PDHA1: variants seen among roughly 807,000 people sequenced by gnomAD.
The protein encoded by PDHA1 is pyruvate dehydrogenase E1 component subunit alpha, somatic form, mitochondrial.
PDHA1 carries 1 observed loss-of-function variant against 33.0 expected under a neutral mutation model. That is an observed-to-expected ratio of 0.03 (90% CI 0.01 to 0.14). The LOEUF (loss-of-function observed/expected upper bound fraction) is 0.14. Among genes scored for constraint, PDHA1 ranks in the 10% least tolerant of loss-of-function variants. The pLI is 1.00. For missense variants in PDHA1, 168 were observed against 325.1 expected, an observed-to-expected ratio of 0.52 and a Z score of 3.72; for synonymous variants, 123 against 119.2, an observed-to-expected ratio of 1.03 and a Z score of -0.21.
At chrX:19,344,259 G>C (rs992186062) in intron 1 of PDHA1, among the ~76,000 whole-genome samples, 165 bp downstream of exon 1, 3 of 112,865 alleles carry the variant, frequency 2.7e-5, no homozygotes, top group African/African-American at 9.6e-5. Context: ...CTGGCCTCGG[G>C]AGAAGCGGCA....
chrX:19,352,210 GTCCTCC>G (rs1248175289), intron 4 of PDHA1, among the ~76,000 whole-genome samples: 1 of 105,071 alleles, frequency 9.5e-6, no homozygotes, highest in Non-Finnish European at 1.9e-5. Flanking sequence ...ACTGTGCCCG[GTCCTCC>G]TCCTCCTCCT....
At chrX:19,354,624 C>T (rs2147179845) in intron 6 of PDHA1, 41 bp downstream of exon 6, 1 of 811,072 alleles carries the variant, frequency 1.2e-6, no homozygotes, top group East Asian at 3.1e-5. Context: ...GTCTTATTTT[C>T]AAAGTCTTTA....
At position 19,359,748 on chromosome X, in the gene PDHA1, T is replaced by G. The variant is rs748689790; in HGVS notation, c.*95T>G. On this transcript the variant is annotated 3_prime_UTR_variant, in exon 11 of 11. Transcript: ENST00000422285. ...AGAAAACCCAGTCAATGAAATTCAA[T>G]GAAATTCTTGGAAACTTCCATTAAG... 2.4e-6 allele frequency: 2 copies of G among 848,778 alleles called. No individual in the cohort carries two copies. The highest frequency in any genetic ancestry group is 1.7e-6 in the Non-Finnish European group (1 of 575,775). The allele number at this position is 848,778 out of a possible 1,213,427, so 69.9% of individuals were successfully genotyped here. A position where few individuals can be genotyped will look rare whatever the true frequency, so the allele number is the denominator to read the frequency against.
At chrX:19,345,398 C>T (rs2063124132) in intron 1 of PDHA1, among the ~76,000 whole-genome samples, 1 of 108,130 alleles carries the variant, frequency 9.2e-6, no homozygotes, top group African/African-American at 3.4e-5. Context: ...TGGTGAAACC[C>T]CGTCTCTACT....
At chrX:19,355,273 C>A in intron 6 of PDHA1, 76 bp from the exon 7 acceptor site, 2 of 1,091,294 alleles carry the variant, frequency 1.8e-6, no homozygotes, top group Non-Finnish European at 1.3e-6. Context: ...CTGTGCCAGG[C>A]AGAGCAGCAG....
Position 19,343,955 on chromosome X carries a change from G to A in PDHA1, c.-83G>A, listed in dbSNP as rs950024669. ...GCGACTGAGGCGTGGCGTCTGCTGG[G>A]GCACCTGAAGGAGACTTGGGGGCAC... On this transcript the variant is annotated 5_prime_UTR_variant, in exon 1 of 11. Coordinates refer to ENST00000422285, the MANE Select transcript of PDHA1 (RefSeq NM_000284.4). The A allele has an allele frequency of 4.5e-6, 4 of 881,312 alleles. No homozygotes were observed. In the Admixed American group the frequency reaches 7.0e-5, roughly 15 times the overall value. 72.6% of individuals were successfully genotyped at this position (881,312 alleles called of 1,213,427 possible). A position where few individuals can be genotyped will look rare whatever the true frequency, so the allele number is the denominator to read the frequency against.
chrX:19,356,409 A>C (rs141774177), intron 8 of PDHA1, among the ~76,000 whole-genome samples: 1,886 of 111,892 alleles, frequency 0.017, 34 homozygotes, highest in African/African-American at 0.057. Context: ...CAGTGATGTG[A>C]ATCAGATGTG....
Position 19,360,603 on chromosome X carries a change from G to A in PDHA1, c.*950G>A, listed in dbSNP as rs1336831895. ...CAGGTTTCAAAAGAAACTCAGGACA[G>A]TATTTAAAACAAGTTCTTAAACTAT... On this transcript the variant is annotated 3_prime_UTR_variant, in exon 11 of 11. Transcript: ENST00000422285. The A allele has an allele frequency of 1.1e-5, 5 of 458,732 alleles. No individual in the cohort carries two copies. Among genetic ancestry groups the A allele is most frequent in the Non-Finnish European group, 1.5e-5 (4 of 267,211 alleles). The allele number at this position is 458,732 out of a possible 1,213,427, so 37.8% of individuals were successfully genotyped here.
At chrX:19,345,430 C>T (rs1229853893) in intron 1 of PDHA1, among the ~76,000 whole-genome samples, 1 of 108,688 alleles carries the variant, frequency 9.2e-6, no homozygotes, top group Non-Finnish European at 1.9e-5. Context: ...ATTAGCCGGT[C>T]GTGGTGGCGG....
At chrX:19,353,563 G>A (rs747864960) in intron 5 of PDHA1, among the ~76,000 whole-genome samples, 2 of 111,495 alleles carry the variant, frequency 1.8e-5, no homozygotes, top group Admixed American at 1.9e-4. Flanking sequence ...TGACAAAATC[G>A]CCTAGTGATG....
intron 10 of PDHA1, 124 bp downstream of exon 10, chrX:19,359,148 C>T (rs2147187845): frequency 1.9e-6 from 1 of 517,354 alleles, no homozygotes; most frequent in Non-Finnish European, 3.5e-6. Context: ...TAAATAGTTC[C>T]ATAGTTCCAA....
chrX:19,354,925 C>T (rs1385954043), intron 6 of PDHA1, among the ~76,000 whole-genome samples: 1 of 112,534 alleles, frequency 8.9e-6, no homozygotes, highest in African/African-American at 3.2e-5. Flanking sequence ...CGGATAATAG[C>T]GTCTGAGTCC....
rs1054922662 is a variant in PDHA1, at chrX:19,360,523, T to C, written c.*870T>C. ...GTGAATTTCCTAATATTCCGGGAGG[T>C]CAAAACCAAGGCTCACTGTTTTCAC... is the stretch of plus-strand genomic sequence containing the variant. On this transcript the variant is annotated 3_prime_UTR_variant, in exon 11 of 11. Transcript: ENST00000422285. 3 of 314,748 alleles carry C rather than the reference T, an allele frequency of 9.5e-6. No individual in the cohort carries two copies. The highest frequency in any genetic ancestry group is 8.3e-5 in the African/African-American group (3 of 36,104). The allele number at this position is 314,748 out of a possible 1,213,427, so 25.9% of individuals were successfully genotyped here.
In PDHA1 at chrX:19,359,720, GGAAGAAAACCCA is replaced by G. The variant is rs1372604679; in HGVS notation, c.*69_*80del. 3 of 995,059 alleles carry G rather than the reference GGAAGAAAACCCA, an allele frequency of 3.0e-6. No homozygotes were observed. Among genetic ancestry groups the G allele is most frequent in the Non-Finnish European group, 4.3e-6 (3 of 700,121 alleles). The allele number at this position is 995,059 out of a possible 1,213,427, so 82.0% of individuals were successfully genotyped here. On this transcript the variant is annotated 3_prime_UTR_variant, in exon 11 of 11. Transcript: ENST00000422285. ...ACAGTGTTCTCAACTTGGTTAAGGA[GGAAGAAAACCCA>G]GTCAATGAAATTCAATGAAATTCTT...
Position 19,361,700 on chromosome X carries a change from G to T in PDHA1, c.*2047G>T. Reference sequence around the variant, plus strand: ...CAGAATGTAAATGTGATGTGAAAAAGAGATGAATTAACCCTGTATCACTGA... The same window carrying T: ...CAGAATGTAAATGTGATGTGAAAAATAGATGAATTAACCCTGTATCACTGA... On this transcript the variant is annotated 3_prime_UTR_variant, in exon 11 of 11. Coordinates refer to ENST00000422285, the MANE Select transcript of PDHA1 (RefSeq NM_000284.4). 1 of 545,359 alleles carries T rather than the reference G, an allele frequency of 1.8e-6. No homozygotes were observed. The highest frequency in any genetic ancestry group is 2.9e-5 in the South Asian group (1 of 34,885). 44.9% of individuals were successfully genotyped at this position (545,359 alleles called of 1,213,427 possible). A position where few individuals can be genotyped will look rare whatever the true frequency, so the allele number is the denominator to read the frequency against.
At chrX:19,348,234 GAGC>G (rs1297767775) in intron 1 of PDHA1, among the ~76,000 whole-genome samples, 3 of 112,229 alleles carry the variant, frequency 2.7e-5, no homozygotes, top group African/African-American at 9.7e-5. Context: ...CTTTTGCTGT[GAGC>G]AGGTTTGCTC....
rs768167537 is a variant in PDHA1 at position 19,359,784 on chromosome X, G to A, written c.*131G>A. The A allele has an allele frequency of 1.1e-5, 6 of 557,687 alleles. No homozygotes were observed. Among genetic ancestry groups the A allele is most frequent in the Non-Finnish European group, 1.8e-5 (6 of 336,388 alleles). 46.0% of individuals were successfully genotyped at this position (557,687 alleles called of 1,213,427 possible). ...GAAACTTCCATTAAGTGTGTAGATT[G>A]AGCAGGTAGTAATTGCATGCAGTTT... On this transcript the variant is annotated 3_prime_UTR_variant, in exon 11 of 11. Transcript: ENST00000422285.
chrX:19,346,428 G>T (rs2063134395), intron 1 of PDHA1: 1 of 347,635 alleles, frequency 2.9e-6, no homozygotes, highest in East Asian at 4.5e-5. Flanking sequence ...CGATCCTCCT[G>T]CCTTAGCCTC....
chrX:19,359,387 TAGTTAAAG>T, intron 10 of PDHA1, 94 bp from the exon 11 acceptor site: 1 of 646,499 alleles, frequency 1.5e-6, no homozygotes, highest in Non-Finnish European at 2.6e-6. Context: ...TTCGTACTTG[TAGTTAAAG>T]AGTTACACCA....
Sources: allele counts gnomAD v4.1 joint callset (sites outside exome capture counted in the v4.1 genomes callset), GRCh38; gene constraint gnomAD v4.1.1; transcripts MANE v1.5; gene names NCBI Gene and HGNC (gene_info 2026-07-23, HGNC 2026-07-21).